GFRAL: variants seen among roughly 807,000 people sequenced by gnomAD.
GFRAL encodes the protein GDNF family receptor alpha like.
In GFRAL, 36 loss-of-function variants were observed where a neutral mutation model predicts 45.4. The ratio of observed to expected loss-of-function variants is 0.79; its 90% confidence interval spans 0.61 to 1.05. The LOEUF (loss-of-function observed/expected upper bound fraction) is 1.05. Ranked by LOEUF, GFRAL falls within the 50% of genes least tolerant of loss-of-function variation. The pLI is 0.00. For missense variants in GFRAL, 507 were observed against 467.5 expected (o/e 1.08, Z -0.78); for synonymous variants, 166 against 154.1 (o/e 1.08, Z -0.57).
chr6:55,400,627 C>G (rs770923108), intron 8 of GFRAL, among the ~76,000 whole-genome samples: 1 of 149,950 alleles, frequency 6.7e-6, no homozygotes, highest in Non-Finnish European at 1.5e-5. Context: ...TTGTTGTTAA[C>G]TAAAATCAGT....
intron 6 of GFRAL, among the ~76,000 whole-genome samples, chr6:55,387,186 T>A (rs1048839768): frequency 2.0e-5 from 3 of 152,264 alleles, no homozygotes; most frequent in African/African-American, 7.2e-5. Flanking sequence ...GCATTTAAGA[T>A]CATGGAGGGA....
intron 6 of GFRAL, among the ~76,000 whole-genome samples, chr6:55,389,606 C>A (rs11964181): frequency 6.6e-6 from 1 of 152,010 alleles, no homozygotes; most frequent in Non-Finnish European, 1.5e-5. Flanking sequence ...ACTGGAGCAT[C>A]AATGAGTCAG....
At chr6:55,358,664 T>C (rs1768228526) in intron 5 of GFRAL, among the ~76,000 whole-genome samples, 1 of 152,010 alleles carries the variant, frequency 6.6e-6, no homozygotes, top group African/African-American at 2.4e-5. Context: ...TCAACTTAAC[T>C]GCTGTCTTTC....
At chr6:55,347,293 T>C (rs1421319967) in intron 3 of GFRAL, among the ~76,000 whole-genome samples, 2 of 152,068 alleles carry the variant, frequency 1.3e-5, no homozygotes, top group African/African-American at 2.4e-5. Context: ...TATTTGCAAT[T>C]GAAAGAGAGA....
At chr6:55,350,053 T>A (rs1334566164) in intron 3 of GFRAL, 39 bp from the exon 4 acceptor site, 2 of 1,234,090 alleles carry the variant, frequency 1.6e-6, no homozygotes, top group South Asian at 2.4e-5. Context: ...ATTCAGAAAA[T>A]TGTTCAATAA....
At chr6:55,371,330 A>G (rs1292282234) in intron 6 of GFRAL, among the ~76,000 whole-genome samples, 5 of 152,198 alleles carry the variant, frequency 3.3e-5, no homozygotes, top group Non-Finnish European at 7.3e-5. Context: ...AAACACTCAT[A>G]GATTTTGACA....
rs575862728 is a variant in GFRAL at position 55,381,827 on chromosome 6, C to T, written c.953-17353C>T. Among the ~76,000 whole-genome samples the T allele has an allele frequency of 2.1e-3, 316 of 151,546 alleles. 1 individual carries two copies. Among genetic ancestry groups the T allele is most frequent in the African/African-American group, 7.0e-3 (290 of 41,452 alleles). On this transcript the variant is annotated intron_variant, in intron 6 of 8. Coordinates refer to ENST00000340465, the MANE Select transcript of GFRAL (RefSeq NM_207410.2). ...AGACATTTCCCCTGCAAAAACTCCT[C>T]TCTCTCTCTCTTTCTTTCCCTGTCT...
chr6:55,369,695 GA>G (rs5876445), intron 6 of GFRAL, among the ~76,000 whole-genome samples: 151,221 of 151,954 alleles, frequency 1, 75,254 homozygotes, highest in East Asian at 1. Context: ...GGTAGACACT[GA>G]AAAAAAAACA....
At chr6:55,385,039 G>A (rs1051172207) in intron 6 of GFRAL, among the ~76,000 whole-genome samples, 2 of 151,920 alleles carry the variant, frequency 1.3e-5, no homozygotes, top group African/African-American at 4.8e-5. Flanking sequence ...CACTTCTGAT[G>A]GAAAGCACTA....
chr6:55,345,263 TGGA>T (rs1303153646), intron 3 of GFRAL, among the ~76,000 whole-genome samples: 12 of 152,296 alleles, frequency 7.9e-5, no homozygotes. Flanking sequence ...AGAACAAAGC[TGGA>T]GGCATCTTGC....
intron 3 of GFRAL, among the ~76,000 whole-genome samples, chr6:55,340,288 C>T (rs1203277232): frequency 6.6e-6 from 1 of 152,132 alleles, no homozygotes; most frequent in Non-Finnish European, 1.5e-5. Flanking sequence ...AAAATATTCT[C>T]CAGAGTACAC....
chr6:55,357,151 T>C (rs537251859), intron 5 of GFRAL, among the ~76,000 whole-genome samples: 1 of 151,862 alleles, frequency 6.6e-6, no homozygotes, highest in African/African-American at 2.4e-5. Context: ...CTGAGGAGAA[T>C]AATGTGTATT....
At chr6:55,332,838 AACT>A (rs1767847797) in intron 2 of GFRAL, among the ~76,000 whole-genome samples, 1 of 152,128 alleles carries the variant, frequency 6.6e-6, no homozygotes, top group African/African-American at 2.4e-5. Context: ...GAATAGTATA[AACT>A]ACAAATAGAA....
At chr6:55,331,690 C>G (rs753692542) in intron 1 of GFRAL, 25 bp from the exon 2 acceptor site, 1 of 1,586,078 alleles carries the variant, frequency 6.3e-7, no homozygotes, top group Non-Finnish European at 8.6e-7. Flanking sequence ...ATATTACAAC[C>G]TTGTTTTTGT....
chr6:55,367,845 C>G (rs911216195), intron 6 of GFRAL, among the ~76,000 whole-genome samples: 3 of 151,690 alleles, frequency 2.0e-5, no homozygotes, highest in African/African-American at 7.3e-5. Flanking sequence ...TTGAGGGTAA[C>G]CCGACCTTTC....
At chr6:55,361,414 GAATACTTATAATATCTAATA>G (rs1283356728) in intron 6 of GFRAL, among the ~76,000 whole-genome samples, 5 of 151,712 alleles carry the variant, frequency 3.3e-5, no homozygotes, top group Non-Finnish European at 7.4e-5. Flanking sequence ...ATAATATCTA[GAATACTTATAATATCTAATA>G]CATGATTTAC....
intron 3 of GFRAL, among the ~76,000 whole-genome samples, chr6:55,337,087 C>G (rs548631497): frequency 7.0e-4 from 107 of 152,164 alleles, no homozygotes; most frequent in African/African-American, 2.5e-3. Context: ...ACTGTACTAT[C>G]AAGTACTAGA....
intron 3 of GFRAL, among the ~76,000 whole-genome samples, chr6:55,336,020 G>T (rs1462902565): frequency 6.6e-6 from 1 of 151,964 alleles, no homozygotes; most frequent in East Asian, 1.9e-4. Flanking sequence ...TCTTCACTCA[G>T]TGCAGCCTCT....
intron 3 of GFRAL, among the ~76,000 whole-genome samples, chr6:55,346,465 T>C (rs1041752041): frequency 6.6e-6 from 1 of 151,954 alleles, no homozygotes; most frequent in African/African-American, 2.4e-5. Context: ...CACCGCATAT[T>C]GTCACTCATA....
Sources: allele counts gnomAD v4.1 joint callset (sites outside exome capture counted in the v4.1 genomes callset), GRCh38; gene constraint gnomAD v4.1.1; transcripts MANE v1.5; gene names NCBI Gene and HGNC (gene_info 2026-07-23, HGNC 2026-07-21).